The following KCNQ3 variants were observed in gnomAD, a reference collection of about 807,000 sequenced individuals.
KCNQ3 encodes potassium voltage-gated channel subfamily Q member 3.
KCNQ3 carries 30 observed loss-of-function variants against 92.5 expected under a neutral mutation model. The observed-to-expected ratio is 0.32, with a 90% CI of 0.24 to 0.44. KCNQ3 has a LOEUF of 0.44. KCNQ3 is among the 20% of genes least tolerant of loss of function. The probability of loss-of-function intolerance (pLI) is 1.00; values close to 1 mark genes in which losing one functional copy is unlikely to be tolerated. For missense variants in KCNQ3, 913 were observed against 1,140.3 expected (o/e 0.80, Z 2.87); for synonymous variants, 450 against 468.8 (o/e 0.96, Z 0.52).
intron 1 of KCNQ3, among the ~76,000 whole-genome samples, chr8:132,192,272 A>T (rs184723065): frequency 6.6e-6 from 1 of 152,370 alleles, no homozygotes; most frequent in Admixed American, 6.5e-5. Context: ...CCACTTTCTA[A>T]GACAGGAGAA....
At chr8:132,146,423 T>C (rs1407789744) in intron 9 of KCNQ3, among the ~76,000 whole-genome samples, 1 of 152,180 alleles carries the variant, frequency 6.6e-6, no homozygotes, top group Non-Finnish European at 1.5e-5. Flanking sequence ...ATATGGGATA[T>C]CAAGTGTGGT....
At chr8:132,456,464 G>GGTGTGT (rs34858367) in intron 1 of KCNQ3, among the ~76,000 whole-genome samples, 113 of 149,412 alleles carry the variant, frequency 7.6e-4, no homozygotes, top group South Asian at 4.1e-3. Context: ...GGGGATTGAG[G>GGTGTGT]GTGTGTGTGT....
intron 9 of KCNQ3, among the ~76,000 whole-genome samples, chr8:132,143,494 C>T (rs558491883): frequency 3.9e-5 from 6 of 152,276 alleles, no homozygotes; most frequent in East Asian, 1.9e-4. Context: ...ATGTTCAGTA[C>T]GGCAACTAAG....
chr8:132,136,118 C>CAAAAAAAAAAAAAAAAAA (rs67331428), intron 12 of KCNQ3, among the ~76,000 whole-genome samples: 6 of 40,018 alleles, frequency 1.5e-4, no homozygotes, highest in African/African-American at 6.2e-4. Context: ...GACTCCATCT[C>CAAAAAAAAAAAAAAAAAA]AAAAAAAAAA....
rs781009157 is a variant in KCNQ3 at position 132,406,574 on chromosome 8, CACAG to C, written c.386+73569_386+73572del. 4.9e-4 allele frequency among the ~76,000 whole-genome samples: 75 copies of C among 152,076 alleles called. No individual in the cohort carries two copies. The Middle Eastern group carries it at 0.02, about 41-fold the overall frequency. ...ATACACTCACACACAGACACACACA[CACAG>C]AAAGACACAGGCACACACTCAGCAC... On this transcript the variant is annotated intron_variant, in intron 1 of 14. Coordinates refer to ENST00000388996, the MANE Select transcript of KCNQ3 (RefSeq NM_004519.4).
At chr8:132,399,224 T>A (rs888936992) in intron 1 of KCNQ3, among the ~76,000 whole-genome samples, 8 of 152,222 alleles carry the variant, frequency 5.3e-5, no homozygotes, top group African/African-American at 1.9e-4. Context: ...TTTAATGAGT[T>A]ACAGAAATAG....
chr8:132,139,932 C>G lies in KCNQ3; in HGVS notation c.1568+144G>C, dbSNP rs147235196. 305 of 628,948 alleles carry G rather than the reference C, an allele frequency of 4.8e-4. 1 individual carries two copies. In the African/African-American group the frequency reaches 4.9e-3, roughly 10 times the overall value. The allele number at this position is 628,948 out of a possible 1,614,324, so 39.0% of individuals were successfully genotyped here. On this transcript the variant is annotated intron_variant, in intron 11 of 14. Transcript: ENST00000388996. ...TGGGGCAGCATACAGTATTTACATA[C>G]TTCAGGGACCTAACTCAGGGTTAGT... is the stretch of plus-strand genomic sequence containing the variant.
intron 7 of KCNQ3, among the ~76,000 whole-genome samples, chr8:132,172,220 T>C (rs577452429): frequency 6.6e-6 from 1 of 151,952 alleles, no homozygotes; most frequent in South Asian, 2.1e-4. Flanking sequence ...AGCTGATAGG[T>C]TGGTCCTTGA....
intron 1 of KCNQ3, among the ~76,000 whole-genome samples, chr8:132,264,449 C>T (rs929538644): frequency 6.6e-6 from 1 of 152,220 alleles, no homozygotes; most frequent in Non-Finnish European, 1.5e-5. Flanking sequence ...CTCACTAAGG[C>T]TGTTGTGCAG....
chr8:132,184,146 G>T, intron 3 of KCNQ3, 95 bp downstream of exon 3: 1 of 1,528,862 alleles, frequency 6.5e-7, no homozygotes, highest in Non-Finnish European at 9.0e-7. Context: ...AGTGCCGCGT[G>T]ATTTCCCAGA....
chr8:132,311,448 G>T (rs2130612374), intron 1 of KCNQ3, among the ~76,000 whole-genome samples: 1 of 152,252 alleles, frequency 6.6e-6, no homozygotes, highest in East Asian at 1.9e-4. Flanking sequence ...CGTCCTTAAG[G>T]AACAGAAAGG....
At chr8:132,351,710 ACTGTCCTTAGG>A (rs1818872507) in intron 1 of KCNQ3, among the ~76,000 whole-genome samples, 1 of 152,116 alleles carries the variant, frequency 6.6e-6, no homozygotes, top group Non-Finnish European at 1.5e-5. Context: ...GAAGCAGGTG[ACTGTCCTTAGG>A]CTGTGGCTTG....
At chr8:132,220,665 T>C (rs549404643) in intron 1 of KCNQ3, among the ~76,000 whole-genome samples, 24 of 152,124 alleles carry the variant, frequency 1.6e-4, no homozygotes, top group African/African-American at 5.8e-4. Context: ...AGGAGAATTG[T>C]TTGAGTTTGG....
chr8:132,381,561 C>T (rs1014476614), intron 1 of KCNQ3, among the ~76,000 whole-genome samples: 29 of 152,190 alleles, frequency 1.9e-4, no homozygotes, highest in Non-Finnish European at 1.5e-5. Context: ...GAGAAAAATT[C>T]CCCATTAAGG....
chr8:132,170,889 C>T (rs916432066), intron 7 of KCNQ3, among the ~76,000 whole-genome samples: 3 of 150,866 alleles, frequency 2.0e-5, no homozygotes, highest in Non-Finnish European at 2.9e-5. Flanking sequence ...CTTGGTGGCA[C>T]GTGCCTGTAG....
intron 1 of KCNQ3, among the ~76,000 whole-genome samples, chr8:132,440,288 C>G (rs577465176): frequency 6.6e-6 from 1 of 152,226 alleles, no homozygotes; most frequent in Non-Finnish European, 1.5e-5. Context: ...AAGCTGCCAG[C>G]AGCACAGATG....
chr8:132,187,128 G>T, intron 1 of KCNQ3: 1 of 455,626 alleles, frequency 2.2e-6, no homozygotes, highest in Non-Finnish European at 4.4e-6. Context: ...TATGGGTGAA[G>T]CTTGGTAGTA....
Position 132,441,263 on chromosome 8 carries a change from T to C in KCNQ3, c.386+38884A>G, listed in dbSNP as rs1437097063. Among the ~76,000 whole-genome samples the C allele has an allele frequency of 2.0e-5, 3 of 152,204 alleles. No individual in the cohort carries two copies. The East Asian group carries it at 5.8e-4, about 29-fold the overall frequency. ...TACAATAGAATGATTAATATTCCTT[T>C]GGGTAGGCCAGGTGCAGTGGCTCAC... On this transcript the variant is annotated intron_variant, in intron 1 of 14. Transcript: ENST00000388996.
At chr8:132,235,284 C>T (rs1010988550) in intron 1 of KCNQ3, among the ~76,000 whole-genome samples, 3 of 152,124 alleles carry the variant, frequency 2.0e-5, no homozygotes, top group Non-Finnish European at 4.4e-5. Flanking sequence ...GGGGGAATCA[C>T]CTGAGGTCAG....
Sources: gnomAD v4.1 joint callset for allele counts (sites outside exome capture counted in the v4.1 genomes callset) on GRCh38, gnomAD v4.1.1 for gene constraint, MANE v1.5 for transcripts, NCBI Gene and HGNC (gene_info 2026-07-23, HGNC 2026-07-21) for gene names.